Variants in TFEC observed in about 807,000 individuals in gnomAD.
TFEC encodes the protein transcription factor EC.
A neutral mutation model predicts 41.6 loss-of-function variants in TFEC; 31 were observed. The ratio of observed to expected loss-of-function variants is 0.74; its 90% CI spans 0.56 to 1.01. The LOEUF (loss-of-function observed/expected upper bound fraction) is 1.01. Ranked by LOEUF, TFEC falls within the 50% of genes least tolerant of loss-of-function variation. The probability of loss-of-function intolerance (pLI) is 0.00; values close to 1 mark genes in which losing one functional copy is unlikely to be tolerated. For synonymous variants in TFEC, 143 were observed against 140.6 expected (o/e 1.02, Z -0.12); for missense variants, 402 against 404.1 (o/e 0.99, Z 0.04).
intron 3 of TFEC, among the ~76,000 whole-genome samples, chr7:115,964,184 T>C (rs1792722617): frequency 6.6e-6 from 1 of 151,674 alleles, no homozygotes; most frequent in South Asian, 2.1e-4. Context: ...ACTTAGTAAA[T>C]GTAATTACTG....
At chr7:116,083,149 A>T (rs1797128286) in intron 3 of TFEC, among the ~76,000 whole-genome samples, 1 of 151,910 alleles carries the variant, frequency 6.6e-6, no homozygotes, top group Admixed American at 6.6e-5. Flanking sequence ...ATTAATTAGT[A>T]TTTGACTATA....
At chr7:115,964,218 T>A (rs1792724566) in intron 3 of TFEC, among the ~76,000 whole-genome samples, 1 of 151,604 alleles carries the variant, frequency 6.6e-6, no homozygotes, top group African/African-American at 2.4e-5. Context: ...TTAATAGTGG[T>A]AATCGTATTA....
intron 3 of TFEC, among the ~76,000 whole-genome samples, chr7:116,074,020 AAAG>A (rs1378789568): frequency 6.6e-6 from 1 of 151,928 alleles, no homozygotes; most frequent in Non-Finnish European, 1.5e-5. Flanking sequence ...TTTACATGCA[AAAG>A]AAGGAAGTGG....
intron 3 of TFEC, among the ~76,000 whole-genome samples, chr7:116,036,421 T>G (rs979598351): frequency 3.4e-4 from 51 of 152,190 alleles, no homozygotes; most frequent in African/African-American, 1.2e-3. Flanking sequence ...CTGACAAAAC[T>G]TAAAAGTGCT....
chr7:116,098,522 T>A (rs142575355), intron 3 of TFEC, among the ~76,000 whole-genome samples: 114 of 151,370 alleles, frequency 7.5e-4, no homozygotes, highest in African/African-American at 2.6e-3. Context: ...GAACACCTAG[T>A]CATCCTACTG....
chr7:116,138,671 A>T (rs1486745372), intron 1 of TFEC, among the ~76,000 whole-genome samples: 1 of 152,222 alleles, frequency 6.6e-6, no homozygotes, highest in Non-Finnish European at 1.5e-5. Flanking sequence ...GACCTGAAAC[A>T]AGTTAAAAAT....
chr7:115,947,562 C>A (rs1326459393), intron 6 of TFEC, among the ~76,000 whole-genome samples: 1 of 151,544 alleles, frequency 6.6e-6, no homozygotes, highest in Non-Finnish European at 1.5e-5. Flanking sequence ...CCTATTTCTC[C>A]ACATCCTCTC....
intron 1 of TFEC, among the ~76,000 whole-genome samples, chr7:116,124,390 T>C (rs1389317431): frequency 6.6e-6 from 1 of 152,122 alleles, no homozygotes; most frequent in African/African-American, 2.4e-5. Flanking sequence ...TCCAGGGATG[T>C]GAATTACAGA....
chr7:116,110,493 T>C (rs1797828845), intron 3 of TFEC, among the ~76,000 whole-genome samples: 1 of 152,136 alleles, frequency 6.6e-6, no homozygotes, highest in Non-Finnish European at 1.5e-5. Flanking sequence ...GGGTTCTTTG[T>C]TGCATTAATA....
At chr7:116,011,304 G>C (rs1490416746) in intron 1 of TFEC, among the ~76,000 whole-genome samples, 1 of 152,024 alleles carries the variant, frequency 6.6e-6, no homozygotes, top group Non-Finnish European at 1.5e-5. Flanking sequence ...ATAGCACGTG[G>C]AAAAGACTAT....
intron 3 of TFEC, among the ~76,000 whole-genome samples, chr7:116,095,005 C>T (rs1200920305): frequency 1.3e-5 from 2 of 152,166 alleles, no homozygotes; most frequent in East Asian, 3.8e-4. Flanking sequence ...AGATGAACTG[C>T]TACTTATAGA....
intron 1 of TFEC, among the ~76,000 whole-genome samples, chr7:116,153,253 T>A (rs1437554007): frequency 6.8e-6 from 1 of 146,094 alleles, no homozygotes; most frequent in Non-Finnish European, 1.5e-5. Context: ...TTTGTTTTGT[T>A]TCGTTTTGTT....
chr7:116,033,288 T>A (rs772320093), upstream of TFEC, among the ~76,000 whole-genome samples: 1 of 152,078 alleles, frequency 6.6e-6, no homozygotes, highest in East Asian at 1.9e-4. Context: ...TCAGACTGAT[T>A]TGGTCTCAAC....
intron 1 of TFEC, among the ~76,000 whole-genome samples, chr7:115,998,377 C>T (rs1794451296): frequency 6.6e-6 from 1 of 151,562 alleles, no homozygotes; most frequent in African/African-American, 2.4e-5. Flanking sequence ...GAGAAAACTA[C>T]CTTCTCTAAA....
At chr7:116,027,838 T>A (rs1795643953) in intron 1 of TFEC, among the ~76,000 whole-genome samples, 1 of 152,192 alleles carries the variant, frequency 6.6e-6, no homozygotes, top group African/African-American at 2.4e-5. Context: ...AGAATCCTTA[T>A]TAAAACTCCA....
At chr7:115,959,953 C>T (rs1455914539) in intron 3 of TFEC, among the ~76,000 whole-genome samples, 1 of 151,310 alleles carries the variant, frequency 6.6e-6, no homozygotes, top group South Asian at 2.1e-4. Flanking sequence ...GTAACGGAGA[C>T]ACATTTTTAA....
rs1793330953 is a variant in TFEC at position 115,938,368 on chromosome 7, C to G, written c.*2183G>C. The G allele has an allele frequency of 1.3e-5, 2 of 151,846 alleles. No individual in the cohort carries two copies. The highest frequency in any genetic ancestry group is 4.1e-4 in the South Asian group (2 of 4,820). 9.4% of individuals were successfully genotyped at this position (151,846 alleles called of 1,614,324 possible). A position where few individuals can be genotyped will look rare whatever the true frequency, so the allele number is the denominator to read the frequency against. ...TTAACATTTAATCAAATTATCAACT[C>G]AGATAATGAAGTGGAATTTTGTTAT... On this transcript the variant is annotated 3_prime_UTR_variant, in exon 8 of 8. Transcript: ENST00000265440.
At chr7:116,157,468 C>T (rs1328048463) in intron 1 of TFEC, 1 of 151,870 alleles carries the variant, frequency 6.6e-6, no homozygotes, top group Non-Finnish European at 1.5e-5. Flanking sequence ...TAGAATAACA[C>T]AATAAGGAAA....
intron 3 of TFEC, among the ~76,000 whole-genome samples, chr7:116,075,852 C>A (rs899363333): frequency 1.3e-5 from 2 of 152,176 alleles, no homozygotes; most frequent in Non-Finnish European, 2.9e-5. Context: ...CTACCCACCA[C>A]CTGAGAAATC....
Sources: allele counts gnomAD v4.1 joint callset (sites outside exome capture counted in the v4.1 genomes callset), GRCh38; gene constraint gnomAD v4.1.1; transcripts MANE v1.5; gene names NCBI Gene and HGNC (gene_info 2026-07-23, HGNC 2026-07-21).